CAMTA1: variants seen among roughly 807,000 people sequenced by gnomAD.
CAMTA1 encodes calmodulin binding transcription activator 1.
A neutral mutation model predicts 170.9 loss-of-function variants in CAMTA1; 27 were observed. That is an observed-to-expected ratio of 0.16 (90% confidence interval 0.12 to 0.22). CAMTA1 has a LOEUF of 0.22. Ranked by LOEUF, CAMTA1 falls within the 10% of genes least tolerant of loss-of-function variation. The pLI is 1.00. For synonymous variants in CAMTA1, 833 were observed against 891.5 expected (o/e 0.93, Z 1.17); for missense variants, 1,619 against 2,217.2 (o/e 0.73, Z 5.42).
At chr1:6,939,744 A>G (rs1459516880) in intron 3 of CAMTA1, among the ~76,000 whole-genome samples, 3 of 151,816 alleles carry the variant, frequency 2.0e-5, no homozygotes, top group Non-Finnish European at 4.4e-5. Context: ...ACCCAAGCAA[A>G]CCCCGGTCAC....
intron 4 of CAMTA1, among the ~76,000 whole-genome samples, chr1:7,162,449 G>A (rs1573564772): frequency 6.6e-6 from 1 of 152,068 alleles, no homozygotes; most frequent in Non-Finnish European, 1.5e-5. Flanking sequence ...CCATCAGCAG[G>A]CACTCCCTTT....
chr1:7,340,818 A>G (rs1375752708), intron 5 of CAMTA1, among the ~76,000 whole-genome samples: 1 of 152,096 alleles, frequency 6.6e-6, no homozygotes, highest in Admixed American at 6.5e-5. Context: ...CTCTGCACCA[A>G]ACAATGAATT....
chr1:6,893,850 A>G (rs1411581278), intron 3 of CAMTA1, among the ~76,000 whole-genome samples: 9 of 152,220 alleles, frequency 5.9e-5, no homozygotes, highest in Admixed American at 5.9e-4. Context: ...TGGTTGTATA[A>G]TTAACATAAA....
At chr1:6,786,335 T>C (rs1639351163) in intron 1 of CAMTA1, among the ~76,000 whole-genome samples, 1 of 151,940 alleles carries the variant, frequency 6.6e-6, no homozygotes, top group South Asian at 2.1e-4. Flanking sequence ...CCTTGCACCC[T>C]CACAGCCAGG....
intron 6 of CAMTA1, among the ~76,000 whole-genome samples, chr1:7,521,992 C>T (rs142684871): frequency 2.0e-5 from 3 of 152,302 alleles, no homozygotes; most frequent in African/African-American, 7.2e-5. Context: ...ATCACATGTG[C>T]GTTGTTATGT....
In CAMTA1 at chr1:7,455,376, G is replaced by A. The variant is rs1008308634; in HGVS notation, c.439-12454G>A. Among the ~76,000 whole-genome samples, 8 of 152,198 alleles carry A rather than the reference G, an allele frequency of 5.3e-5. No individual in the cohort carries two copies. The highest frequency in any genetic ancestry group is 1.9e-4 in the African/African-American group (8 of 41,436). On this transcript the variant is annotated intron_variant, in intron 5 of 22. Transcript: ENST00000303635. The surrounding 1 kb of genome is among the most constrained non-coding windows in gnomAD (Gnocchi z 5.0). ...TCCCTCTGCCCAGCCCATTAATTCTGCATGCTCAGGCCGAATTAACCTTGG... is the reference window on the plus strand; with the variant it reads ...TCCCTCTGCCCAGCCCATTAATTCTACATGCTCAGGCCGAATTAACCTTGG...
At chr1:7,153,290 A>G (rs1646682660) in intron 4 of CAMTA1, among the ~76,000 whole-genome samples, 1 of 152,234 alleles carries the variant, frequency 6.6e-6, no homozygotes, top group Non-Finnish European at 1.5e-5. Context: ...CATCTGTATC[A>G]GGAGCACGGT....
chr1:7,540,569 G>T (rs1455942737), intron 6 of CAMTA1, among the ~76,000 whole-genome samples: 1 of 152,138 alleles, frequency 6.6e-6, no homozygotes, highest in Non-Finnish European at 1.5e-5. Flanking sequence ...ATGGGTAACT[G>T]GTGCAGGAAA....
At chr1:7,605,915 C>T (rs2095482704) in intron 6 of CAMTA1, among the ~76,000 whole-genome samples, 1 of 152,208 alleles carries the variant, frequency 6.6e-6, no homozygotes. Context: ...GTCAAGCTGA[C>T]ACATCACAGA....
chr1:7,561,812 G>A lies in CAMTA1; in HGVS notation c.511-78588G>A, dbSNP rs2094960549. Among the ~76,000 whole-genome samples the A allele has an allele frequency of 1.3e-5, 2 of 152,070 alleles. No individual in the cohort carries two copies. The highest frequency in any genetic ancestry group is 4.1e-4 in the South Asian group (2 of 4,820). ...CACGCTACCTCCCACAAGCAGAAAT[G>A]ACTCGGGGATGGATGAGAACGAACC... On this transcript the variant is annotated intron_variant, in intron 6 of 22. Coordinates refer to ENST00000303635, the MANE Select transcript of CAMTA1 (RefSeq NM_015215.4). This position sits in a 1 kb window ranked among gnomAD's most constrained non-coding sequence, Gnocchi z 5.3.
intron 5 of CAMTA1, among the ~76,000 whole-genome samples, chr1:7,307,486 TG>T (rs1675776518): frequency 6.6e-6 from 1 of 152,032 alleles, no homozygotes. Context: ...ACAAAGCTTA[TG>T]TGAGAATGGA....
intron 5 of CAMTA1, among the ~76,000 whole-genome samples, chr1:7,367,717 A>C (rs547222110): frequency 6.6e-6 from 1 of 152,240 alleles, no homozygotes; most frequent in African/African-American, 2.4e-5. Context: ...GATGTCATTC[A>C]CTGAGTGCTC....
At position 7,221,906 on chromosome 1, in the gene CAMTA1, T is replaced by TACACACACACACACACACAC. The variant is rs34399218; in HGVS notation, c.303-27583_303-27564dup. Among the ~76,000 whole-genome samples, 372 of 147,632 alleles carry TACACACACACACACACACAC rather than the reference T, an allele frequency of 2.5e-3. 7 individuals carry two copies. The highest frequency in any genetic ancestry group is 9.1e-3 in the African/African-American group (356 of 39,214). ...GAGGGCATGTGCACAAGCTGGTGCATACACACACACACACACACACATACA... is the reference window on the plus strand; with the variant it reads ...GAGGGCATGTGCACAAGCTGGTGCATACACACACACACACACACACACACACACACACACACACACATACA... On this transcript the variant is annotated intron_variant, in intron 4 of 22. Transcript: ENST00000303635.
intron 6 of CAMTA1, among the ~76,000 whole-genome samples, chr1:7,469,982 T>G (rs940027448): frequency 3.3e-5 from 5 of 152,212 alleles, no homozygotes; most frequent in Non-Finnish European, 1.5e-5. Context: ...GACTGATTCA[T>G]GTGTGTCTGG....
chr1:7,398,177 CTCTCT>C (rs2089498515), intron 5 of CAMTA1, among the ~76,000 whole-genome samples: 2 of 42,152 alleles, frequency 4.7e-5, no homozygotes, highest in African/African-American at 1.9e-4. Context: ...CTCTCTCTCT[CTCTCT>C]CTCTCTCTCT....
At chr1:6,862,549 A>G (rs991089381) in intron 3 of CAMTA1, among the ~76,000 whole-genome samples, 2 of 152,186 alleles carry the variant, frequency 1.3e-5, no homozygotes, top group South Asian at 4.1e-4. Context: ...AACTATTCCA[A>G]TTTGAATTTA....
chr1:6,984,969 T>C (rs1695113538), intron 3 of CAMTA1, among the ~76,000 whole-genome samples: 1 of 152,212 alleles, frequency 6.6e-6, no homozygotes, highest in South Asian at 2.1e-4. Context: ...GGTCGTTGTA[T>C]CTGCCACACC....
At chr1:7,695,335 G>GA (rs1374698550) in intron 11 of CAMTA1, among the ~76,000 whole-genome samples, 2 of 152,220 alleles carry the variant, frequency 1.3e-5, no homozygotes, top group Non-Finnish European at 2.9e-5. Context: ...CAGGGAGCCT[G>GA]AAGCTCCAAG....
intron 5 of CAMTA1, among the ~76,000 whole-genome samples, chr1:7,315,361 T>C (rs1225187326): frequency 6.6e-6 from 1 of 152,232 alleles, no homozygotes; most frequent in East Asian, 1.9e-4. Flanking sequence ...GCATTTTCTT[T>C]TCTATGCAAA....
Sources: allele counts gnomAD v4.1 joint callset (sites outside exome capture counted in the v4.1 genomes callset), GRCh38; gene constraint gnomAD v4.1.1; non-coding constraint Gnocchi (gnomAD v3.1); transcripts MANE v1.5; gene names NCBI Gene and HGNC (gene_info 2026-07-23, HGNC 2026-07-21).